FGD4: variants seen among roughly 807,000 people sequenced by gnomAD.
FGD4 encodes the protein FYVE, RhoGEF and PH domain containing 4.
Under a neutral mutation model 102.0 loss-of-function variants are expected in FGD4, and 42 were observed. The ratio of observed to expected loss-of-function variants is 0.41; its 90% CI spans 0.32 to 0.53. The LOEUF (loss-of-function observed/expected upper bound fraction) is 0.53. Among genes scored for constraint, FGD4 ranks in the 20% least tolerant of loss-of-function variants. The probability of loss-of-function intolerance (pLI) is 0.21; values close to 1 mark genes in which losing one functional copy is unlikely to be tolerated. For synonymous variants in FGD4, 380 were observed against 375.7 expected, an observed-to-expected ratio of 1.01 and a Z score of -0.13; for missense variants, 902 against 1,078.2, an observed-to-expected ratio of 0.84 and a Z score of 2.29.
At chr12:32,431,908 T>C (rs879872550) in intron 1 of FGD4, among the ~76,000 whole-genome samples, 13 of 152,174 alleles carry the variant, frequency 8.5e-5, no homozygotes, top group Admixed American at 3.9e-4. Flanking sequence ...GTTTCAGATA[T>C]TTGAAACCTT....
At chr12:32,447,959 C>T (rs1268995549) in intron 1 of FGD4, among the ~76,000 whole-genome samples, 3 of 152,212 alleles carry the variant, frequency 2.0e-5, no homozygotes, top group African/African-American at 7.2e-5. Flanking sequence ...TATATTTTCA[C>T]TGTTTGTTTT....
At chr12:32,428,396 T>C (rs1461721015) in intron 1 of FGD4, among the ~76,000 whole-genome samples, 1 of 152,218 alleles carries the variant, frequency 6.6e-6, no homozygotes, top group East Asian at 1.9e-4. Flanking sequence ...TGGTCCCCAC[T>C]CTTCTTCTGG....
chr12:32,401,903 ATT>A (rs537785812), intron 1 of FGD4, among the ~76,000 whole-genome samples: 8 of 85,032 alleles, frequency 9.4e-5, no homozygotes, highest in Non-Finnish European at 9.5e-5. Flanking sequence ...ATTTTTGTAC[ATT>A]TTTTTTTTTT....
chr12:32,472,527 A>C (rs1943442581), intron 1 of FGD4, among the ~76,000 whole-genome samples: 1 of 152,174 alleles, frequency 6.6e-6, no homozygotes, highest in African/African-American at 2.4e-5. Context: ...CTGCCTTTCC[A>C]CGGGGCAGGG....
chr12:32,442,344 C>T (rs1031663485), intron 1 of FGD4, among the ~76,000 whole-genome samples: 2 of 152,198 alleles, frequency 1.3e-5, no homozygotes, highest in South Asian at 2.1e-4. Flanking sequence ...TGAGCCACTG[C>T]GCCCGGCCAG....
rs755408358 is a variant in FGD4 at position 32,619,656 on chromosome 12, C to G, written c.1750-42C>G. 5 of 1,608,752 alleles carry G rather than the reference C, an allele frequency of 3.1e-6. No individual in the cohort carries two copies. The South Asian group carries it at 5.5e-5, about 18-fold the overall frequency. On this transcript the variant is annotated intron_variant, in intron 10 of 16. Coordinates refer to ENST00000534526, the MANE Select transcript of FGD4 (RefSeq NM_001370298.3). The stretch of plus-strand genomic sequence containing the variant: ...CAAAAAAAAACCTGATCAGTTTCCC[C>G]TATTTCTTTTCTTTACTGATATATG...
chr12:32,493,597 T>C (rs956318879), intron 1 of FGD4, among the ~76,000 whole-genome samples: 1 of 152,252 alleles, frequency 6.6e-6, no homozygotes. Flanking sequence ...AACAGTGGTG[T>C]AGCCCAGGCT....
chr12:32,574,526 A>T (rs1029313118), intron 2 of FGD4, among the ~76,000 whole-genome samples: 1 of 152,174 alleles, frequency 6.6e-6, no homozygotes, highest in Non-Finnish European at 1.5e-5. Context: ...TTGTTCCCAG[A>T]TAATACTATG....
Position 32,598,526 on chromosome 12 carries a change from A to T in FGD4, c.1041A>T (p.Ile347=), listed in dbSNP as rs778043112. 6.2e-7 allele frequency: 1 copy of T among 1,613,648 alleles called. No homozygotes were observed. The highest frequency in any genetic ancestry group is 8.5e-7 in the Non-Finnish European group (1 of 1,179,866). Residue 347 remains isoleucine, a synonymous_variant, in exon 5 of 17, where the codon ATA becomes ATT. Coordinates refer to ENST00000534526, the MANE Select transcript of FGD4 (RefSeq NM_001370298.3). ...CTAATGAGCAAAAACTTCACAAAATAGCCAATGAACTTTTGCTTACTGAAA... is the reference window on the plus strand; with the variant it reads ...CTAATGAGCAAAAACTTCACAAAATTGCCAATGAACTTTTGCTTACTGAAA... ...KETNEQKLHK[I]ANELLLTERA... is the part of the protein sequence containing the mutation.
chr12:32,462,320 C>G (rs968679680), intron 1 of FGD4, among the ~76,000 whole-genome samples: 2 of 152,076 alleles, frequency 1.3e-5, no homozygotes, highest in African/African-American at 4.8e-5. Context: ...CCAGGCCTGG[C>G]TAATTTTTTT....
At chr12:32,576,987 G>A (rs1382374093) in intron 3 of FGD4, among the ~76,000 whole-genome samples, 1 of 151,954 alleles carries the variant, frequency 6.6e-6, no homozygotes, top group Non-Finnish European at 1.5e-5. Context: ...GCTAGGTTTT[G>A]CAAAGAGATA....
intron 1 of FGD4, among the ~76,000 whole-genome samples, chr12:32,512,715 C>T (rs143910350): frequency 6.6e-6 from 1 of 152,250 alleles, no homozygotes; most frequent in African/African-American, 2.4e-5. Context: ...CTCTTTCTCT[C>T]CTAGGGAGCA....
chr12:32,413,569 T>C (rs1281300177), intron 1 of FGD4, among the ~76,000 whole-genome samples: 2 of 152,188 alleles, frequency 1.3e-5, no homozygotes, highest in African/African-American at 4.8e-5. Flanking sequence ...GCTGCATGCA[T>C]CTTTGGGGAA....
At chr12:32,451,575 C>CT (rs1361472248) in intron 1 of FGD4, among the ~76,000 whole-genome samples, 1 of 151,584 alleles carries the variant, frequency 6.6e-6, no homozygotes, top group African/African-American at 2.4e-5. Context: ...TTAGAAAGGT[C>CT]TTTTTTTTCT....
At chr12:32,563,177 G>A (rs575008712) in intron 1 of FGD4, among the ~76,000 whole-genome samples, 119 of 151,772 alleles carry the variant, frequency 7.8e-4, no homozygotes, top group South Asian at 2.5e-3. Flanking sequence ...GGTGGCTGCC[G>A]GGCGGAGACG....
In FGD4 at chr12:32,626,521, A is replaced by G. The variant is rs371398897; in HGVS notation, c.2172+742A>G. Among the ~76,000 whole-genome samples the G allele has an allele frequency of 7.2e-5, 11 of 152,150 alleles. 2 individuals are homozygous for G. The highest frequency in any genetic ancestry group is 1.3e-4 in the Admixed American group (2 of 15,278). On this transcript the variant is annotated intron_variant, in intron 14 of 16. Coordinates refer to ENST00000534526, the MANE Select transcript of FGD4 (RefSeq NM_001370298.3). The stretch of plus-strand genomic sequence containing the variant: ...AGACAGGGAAAAACTTCAGACAGTG[A>G]AAGTCTATATGCAAAGACCCTGAGG...
chr12:32,481,025 CG>C (rs1261296745), intron 1 of FGD4, among the ~76,000 whole-genome samples: 2 of 147,048 alleles, frequency 1.4e-5, no homozygotes, highest in African/African-American at 5.0e-5. Context: ...CTATGTTGCC[CG>C]GGCTGGCCTT....
chr12:32,566,444 A>T (rs1309543493), intron 2 of FGD4, among the ~76,000 whole-genome samples: 1 of 152,138 alleles, frequency 6.6e-6, no homozygotes, highest in East Asian at 1.9e-4. Context: ...GACCTGCTGT[A>T]TGTTTTACTC....
At chr12:32,519,554 GC>G (rs1474193081) in intron 1 of FGD4, among the ~76,000 whole-genome samples, 2 of 152,094 alleles carry the variant, frequency 1.3e-5, no homozygotes, top group Non-Finnish European at 2.9e-5. Context: ...ACTTTGGGAG[GC>G]TGAGTCAGGA....
Sources: gnomAD v4.1 joint callset for allele counts (sites outside exome capture counted in the v4.1 genomes callset) on GRCh38, gnomAD v4.1.1 for gene constraint, MANE v1.5 for transcripts, NCBI Gene and HGNC (gene_info 2026-07-23, HGNC 2026-07-21) for gene names.